Variants in CDH11 observed in about 807,000 individuals in gnomAD.
The protein encoded by CDH11 is cadherin 11.
A neutral mutation model predicts 67.8 loss-of-function variants in CDH11; 11 were observed. The ratio of observed to expected loss-of-function variants is 0.16; its 90% CI spans 0.10 to 0.27. The LOEUF (loss-of-function observed/expected upper bound fraction) is 0.27, where lower values mean the gene tolerates loss of function less well. Ranked by LOEUF, CDH11 falls within the 10% of genes least tolerant of loss-of-function variation. The pLI, the probability that CDH11 is intolerant of heterozygous loss-of-function variation, is 1.00. For missense variants in CDH11, 847 were observed against 1,031.2 expected (o/e 0.82, Z 2.45); for synonymous variants, 419 against 400.0 (o/e 1.05, Z -0.57).
At chr16:65,006,639 C>T (rs769203434) in intron 2 of CDH11, among the ~76,000 whole-genome samples, 57 of 152,140 alleles carry the variant, frequency 3.7e-4, no homozygotes, top group Non-Finnish European at 2.6e-4. Context: ...CCCAGAGTGT[C>T]ACAACATAGG....
In CDH11 at chr16:65,102,689, T is replaced by A. The variant is rs544797700; in HGVS notation, c.-298+19191A>T. Among the ~76,000 whole-genome samples the A allele has an allele frequency of 3.3e-4, 51 of 152,350 alleles. No individual in the cohort carries two copies. The South Asian group carries it at 0.01, about 30-fold the overall frequency. ...GTCAAGTAGCCCCATGAAGGGGCCA[T>A]GTGTTAGAGACACTGAAGCTTGTGT... On this transcript the variant is annotated intron_variant, in intron 1 of 12. Transcript: ENST00000268603.
intron 4 of CDH11, 152 bp from the exon 5 acceptor site, chr16:64,993,186 C>A: frequency 3.2e-6 from 2 of 624,604 alleles, no homozygotes; most frequent in South Asian, 4.0e-5. Flanking sequence ...GCAAAATAAC[C>A]AGCCAACCAA....
intron 2 of CDH11, among the ~76,000 whole-genome samples, chr16:65,050,788 T>C (rs2074042317): frequency 6.8e-6 from 1 of 147,996 alleles, no homozygotes; most frequent in Non-Finnish European, 1.5e-5. Flanking sequence ...TGTTCTTAAT[T>C]TCCAGGTTAA....
intron 3 of CDH11, among the ~76,000 whole-genome samples, chr16:65,002,207 T>C (rs2072937221): frequency 6.6e-6 from 1 of 152,168 alleles, no homozygotes; most frequent in South Asian, 2.1e-4. Flanking sequence ...CCATGAATAA[T>C]ACTAGTTTTC....
At chr16:64,954,114 CAT>C (rs1309663165) in intron 11 of CDH11, among the ~76,000 whole-genome samples, 4 of 152,166 alleles carry the variant, frequency 2.6e-5, no homozygotes, top group Non-Finnish European at 5.9e-5. Flanking sequence ...CTGGGCATGA[CAT>C]TGGCACATGA....
intron 1 of CDH11, among the ~76,000 whole-genome samples, chr16:65,107,042 G>A (rs1041276131): frequency 6.6e-6 from 1 of 151,942 alleles, no homozygotes; most frequent in African/African-American, 2.4e-5. Context: ...TATGGAACTG[G>A]AAAGATGAAA....
chr16:65,051,671 C>T (rs139378180), intron 2 of CDH11, among the ~76,000 whole-genome samples: 1,847 of 152,202 alleles, frequency 0.012, 11 homozygotes, highest in Non-Finnish European at 0.017. Flanking sequence ...GATTGGATCA[C>T]GAGGGCAGTT....
chr16:64,996,439 G>A (rs1462033179), intron 4 of CDH11, among the ~76,000 whole-genome samples: 4 of 149,730 alleles, frequency 2.7e-5, no homozygotes, highest in Admixed American at 2.0e-4. Context: ...GCAGTGAGCC[G>A]AGATCGTGCC....
At chr16:64,991,520 A>G in intron 6 of CDH11, 1 of 443,774 alleles carries the variant, frequency 2.3e-6, no homozygotes, top group Non-Finnish European at 4.1e-6. Context: ...ACTTAGCAAA[A>G]ACGATATTTT....
At chr16:65,102,677 A>G (rs544094469) in intron 1 of CDH11, among the ~76,000 whole-genome samples, 8 of 152,336 alleles carry the variant, frequency 5.3e-5, no homozygotes, top group Non-Finnish European at 7.3e-5. Context: ...AAGTAGCCCC[A>G]TGAAGGGGCC....
chr16:64,957,311 C>T (rs2142387954), intron 11 of CDH11, among the ~76,000 whole-genome samples: 1 of 152,236 alleles, frequency 6.6e-6, no homozygotes, highest in East Asian at 1.9e-4. Context: ...ATCCTCTCTG[C>T]AGACTGTTGG....
At chr16:64,972,808 A>C in intron 9 of CDH11, 96 bp downstream of exon 9, 3 of 1,303,164 alleles carry the variant, frequency 2.3e-6, no homozygotes. Context: ...AGACCAAAAA[A>C]GTTAGTCTAT....
intron 2 of CDH11, among the ~76,000 whole-genome samples, chr16:65,011,041 A>G (rs554244056): frequency 3.0e-4 from 44 of 146,366 alleles, no homozygotes; most frequent in Non-Finnish European, 4.6e-4. Flanking sequence ...ACATATGTAT[A>G]TGTATATATG....
intron 8 of CDH11, among the ~76,000 whole-genome samples, chr16:64,975,709 T>G (rs1025039781): frequency 1.3e-5 from 2 of 152,168 alleles, no homozygotes; most frequent in Non-Finnish European, 2.9e-5. Context: ...TTCCTCTGGA[T>G]ATATATTTTT....
intron 8 of CDH11, among the ~76,000 whole-genome samples, chr16:64,977,608 A>T (rs978014566): frequency 6.6e-6 from 1 of 152,218 alleles, no homozygotes; most frequent in East Asian, 1.9e-4. Context: ...CACAAAGAGA[A>T]TATAGTAATC....
intron 1 of CDH11, among the ~76,000 whole-genome samples, chr16:65,061,004 C>T (rs1355760683): frequency 5.3e-5 from 8 of 152,348 alleles, no homozygotes; most frequent in Admixed American, 4.6e-4. Context: ...CTGCATCTGA[C>T]CTCTTCTTCC....
chr16:65,060,087 T>G (rs2074212068), intron 1 of CDH11, among the ~76,000 whole-genome samples: 1 of 152,130 alleles, frequency 6.6e-6, no homozygotes, highest in Non-Finnish European at 1.5e-5. Flanking sequence ...TTGTAAAAAT[T>G]ACTCTTCCCC....
chr16:65,118,248 T>G (rs1200783341), intron 1 of CDH11, among the ~76,000 whole-genome samples: 1 of 152,202 alleles, frequency 6.6e-6, no homozygotes, highest in East Asian at 1.9e-4. Context: ...GGTAAAATTA[T>G]AGCAGAAAGA....
At chr16:65,113,951 C>T (rs2075201425) in intron 1 of CDH11, among the ~76,000 whole-genome samples, 1 of 152,106 alleles carries the variant, frequency 6.6e-6, no homozygotes, top group Admixed American at 6.5e-5. Context: ...TCAATAAATG[C>T]AAGGTTTTAA....
Sources: gnomAD v4.1 joint callset for allele counts (sites outside exome capture counted in the v4.1 genomes callset) on GRCh38, gnomAD v4.1.1 for gene constraint, MANE v1.5 for transcripts, NCBI Gene and HGNC (gene_info 2026-07-23, HGNC 2026-07-21) for gene names.